ACSS3: variants seen among roughly 807,000 people sequenced by gnomAD.
ACSS3 encodes acyl-CoA synthetase short chain family member 3.
ACSS3 carries 64 observed loss-of-function variants against 84.2 expected under a neutral mutation model. That is an observed-to-expected ratio of 0.76 (90% CI 0.62 to 0.94). The LOEUF is 0.94. ACSS3 is among the 40% of genes least tolerant of loss of function. The probability of loss-of-function intolerance (pLI) is 0.00; values close to 1 mark genes in which losing one functional copy is unlikely to be tolerated. For synonymous variants in ACSS3, 317 were observed against 310.1 expected (o/e 1.02, Z -0.23); for missense variants, 815 against 867.6 (o/e 0.94, Z 0.76).
chr12:81,213,901 T>TCCTTCCTTCC (rs1565724047), intron 9 of ACSS3, among the ~76,000 whole-genome samples: 47 of 72,358 alleles, frequency 6.5e-4, no homozygotes, highest in Non-Finnish European at 9.9e-4. Flanking sequence ...TTCTTTCTTT[T>TCCTTCCTTCC]GTCCTTCCTT....
rs1230857431 is a variant in ACSS3, at chr12:81,152,040, C to T, written c.1042C>T (p.His348Tyr). The T allele has an allele frequency of 1.2e-6, 2 of 1,613,648 alleles. No individual in the cohort carries two copies. Among genetic ancestry groups the T allele is most frequent in the Non-Finnish European group, 1.7e-6 (2 of 1,179,820 alleles). ...AASDLGWVVGHSYICYGPLLH... is the reference protein window; with the variant it reads ...AASDLGWVVGYSYICYGPLLH... Reference sequence around the variant, plus strand: ...TTCTGACTTAGGCTGGGTTGTTGGACATTCCTATATCTGCTATGGACCTCT... The same window carrying T: ...TTCTGACTTAGGCTGGGTTGTTGGATATTCCTATATCTGCTATGGACCTCT... The change falls in exon 7 of 16, where the codon CAT becomes TAT. Residue 348 changes from histidine (H) to tyrosine (Y), a missense_variant. Coordinates refer to ENST00000548058, the MANE Select transcript of ACSS3 (RefSeq NM_024560.4).
intron 7 of ACSS3, among the ~76,000 whole-genome samples, chr12:81,160,018 C>A (rs773350348): frequency 5.3e-5 from 8 of 152,178 alleles, no homozygotes; most frequent in Non-Finnish European, 1.2e-4. Flanking sequence ...ACAGTAAGCC[C>A]AGGCTTCCAC....
chr12:81,111,645 C>T lies in ACSS3; in HGVS notation c.456+1941C>T, dbSNP rs79845102. The stretch of plus-strand genomic sequence containing the variant: ...ACTCCTGGATTTGTATTCCCTAGCT[C>T]AGAACTCTGAACACATATTTGGGTG... On this transcript the variant is annotated intron_variant, in intron 2 of 15. Coordinates refer to ENST00000548058, the MANE Select transcript of ACSS3 (RefSeq NM_024560.4). Among the ~76,000 whole-genome samples, 10 of 152,262 alleles carry T rather than the reference C, an allele frequency of 6.6e-5. No homozygotes were observed. In the East Asian group the frequency reaches 1.9e-3, roughly 29 times the overall value.
rs187813438 is a variant in ACSS3, at chr12:81,245,508, T to C, written c.1720-7799T>C. 1.8e-3 allele frequency among the ~76,000 whole-genome samples: 267 copies of C among 152,198 alleles called. 3 individuals carry two copies. Among genetic ancestry groups the C allele is most frequent in the African/African-American group, 6.0e-3 (250 of 41,534 alleles). ...ATAGGTTGAATAAAGGGGGCTGGAA[T>C]TGGATATTTCCTTTCTCCTATGTCA... is the stretch of plus-strand genomic sequence containing the variant. On this transcript the variant is annotated intron_variant, in intron 13 of 15. Coordinates refer to ENST00000548058, the MANE Select transcript of ACSS3 (RefSeq NM_024560.4).
chr12:81,196,382 A>G (rs1029068524), intron 8 of ACSS3, among the ~76,000 whole-genome samples: 1 of 152,188 alleles, frequency 6.6e-6, no homozygotes, highest in African/African-American at 2.4e-5. Context: ...AAGATGTCTC[A>G]CCAGTAATTT....
intron 2 of ACSS3, among the ~76,000 whole-genome samples, chr12:81,112,768 T>C (rs959363601): frequency 6.6e-6 from 1 of 152,200 alleles, no homozygotes; most frequent in Non-Finnish European, 1.5e-5. Context: ...GAAGTGCCTT[T>C]GTACATTACT....
intron 2 of ACSS3, among the ~76,000 whole-genome samples, chr12:81,128,907 T>C (rs1300512419): frequency 1.3e-5 from 2 of 152,210 alleles, no homozygotes; most frequent in Admixed American, 6.5e-5. Flanking sequence ...TGAACTCATA[T>C]GTTTTCCCAT....
chr12:81,205,632 G>C (rs1402785371), intron 9 of ACSS3, among the ~76,000 whole-genome samples: 2 of 152,034 alleles, frequency 1.3e-5, no homozygotes, highest in African/African-American at 4.8e-5. Flanking sequence ...AGGTATCAAA[G>C]TCTAAGTCAC....
At chr12:81,185,934 A>G (rs1440639848) in intron 8 of ACSS3, among the ~76,000 whole-genome samples, 2 of 151,856 alleles carry the variant, frequency 1.3e-5, no homozygotes, top group East Asian at 3.8e-4. Context: ...AGTTGGAGGC[A>G]TCACACTTCC....
chr12:81,197,387 A>T (rs1295863963), intron 8 of ACSS3, among the ~76,000 whole-genome samples: 3 of 152,164 alleles, frequency 2.0e-5, no homozygotes, highest in African/African-American at 7.2e-5. Flanking sequence ...GTTGGGGAAG[A>T]TGTTAAAATA....
intron 13 of ACSS3, among the ~76,000 whole-genome samples, chr12:81,245,043 T>C (rs1007044689): frequency 1.3e-5 from 2 of 152,138 alleles, no homozygotes; most frequent in Non-Finnish European, 2.9e-5. Context: ...CCTTTGCTGG[T>C]GTATTGGTAA....
chr12:81,218,938 TA>T (rs930063555), intron 10 of ACSS3, among the ~76,000 whole-genome samples: 327 of 150,634 alleles, frequency 2.2e-3, no homozygotes, highest in East Asian at 3.3e-3. Context: ...AGTATAATAA[TA>T]AAAAAAAACG....
At chr12:81,249,942 A>G (rs947177865) in intron 13 of ACSS3, among the ~76,000 whole-genome samples, 3 of 152,108 alleles carry the variant, frequency 2.0e-5, no homozygotes, top group African/African-American at 7.2e-5. Context: ...ATTCATTAAA[A>G]TCTATGCAAA....
chr12:81,101,855 G>A (rs1882536618), intron 1 of ACSS3, among the ~76,000 whole-genome samples: 1 of 151,234 alleles, frequency 6.6e-6, no homozygotes, highest in South Asian at 2.1e-4. Flanking sequence ...TATACTTACT[G>A]GTCATTTTCA....
intron 8 of ACSS3, among the ~76,000 whole-genome samples, chr12:81,196,059 T>G (rs556487954): frequency 3.0e-4 from 46 of 152,334 alleles, no homozygotes; most frequent in Admixed American, 1.3e-3. Context: ...AGTAATAGAT[T>G]GTCTTAGCTG....
intron 2 of ACSS3, among the ~76,000 whole-genome samples, chr12:81,119,740 C>A (rs1884405048): frequency 6.6e-6 from 1 of 152,134 alleles, no homozygotes; most frequent in Non-Finnish European, 1.5e-5. Context: ...TCCCTAAAAT[C>A]ACTGTTATTC....
chr12:81,147,965 A>G (rs74448977), intron 5 of ACSS3, among the ~76,000 whole-genome samples: 2,876 of 152,118 alleles, frequency 0.019, 54 homozygotes, highest in African/African-American at 0.045. Flanking sequence ...GGATACATGC[A>G]TATGTTTACA....
chr12:81,234,285 G>A (rs1471803740), intron 13 of ACSS3, among the ~76,000 whole-genome samples: 2 of 150,840 alleles, frequency 1.3e-5, no homozygotes, highest in Non-Finnish European at 3.0e-5. Flanking sequence ...ACAAGTTTAC[G>A]TATCCATTCA....
rs111710488 is a variant in ACSS3 at position 81,080,292 on chromosome 12, C to T, written c.311+1861C>T. 5.4e-3 allele frequency among the ~76,000 whole-genome samples: 826 copies of T among 151,618 alleles called. 4 individuals are homozygous for T. Among genetic ancestry groups the T allele is most frequent in the African/African-American group, 0.015 (610 of 41,300 alleles). ...AGTGTCAATGTCCCAGCAAGTAGAGCTTAAGACCAGGAGATTTCCTTTTCA... is the reference window on the plus strand; with the variant it reads ...AGTGTCAATGTCCCAGCAAGTAGAGTTTAAGACCAGGAGATTTCCTTTTCA... On this transcript the variant is annotated intron_variant, in intron 1 of 15. Transcript: ENST00000548058.
Sources: allele counts gnomAD v4.1 joint callset (sites outside exome capture counted in the v4.1 genomes callset), GRCh38; gene constraint gnomAD v4.1.1; transcripts MANE v1.5; gene names NCBI Gene and HGNC (gene_info 2026-07-23, HGNC 2026-07-21).